C8orf34: variants seen among roughly 807,000 people sequenced by gnomAD.
The protein encoded by C8orf34 is uncharacterized protein C8orf34.
C8orf34 carries 65 observed loss-of-function variants against 68.3 expected under a neutral mutation model. The observed-to-expected ratio is 0.95, with a 90% CI of 0.78 to 1.17. The LOEUF is 1.17. C8orf34 is among the 50% of genes most tolerant of loss of function. The pLI is 0.00. For missense variants in C8orf34, 664 were observed against 655.4 expected, an observed-to-expected ratio of 1.01 and a Z score of -0.14; for synonymous variants, 244 against 241.2, an observed-to-expected ratio of 1.01 and a Z score of -0.11.
At chr8:68,370,617 A>G (rs1807519168) in intron 1 of C8orf34, among the ~76,000 whole-genome samples, 1 of 152,152 alleles carries the variant, frequency 6.6e-6, no homozygotes, top group Non-Finnish European at 1.5e-5. Flanking sequence ...CACTATGCTT[A>G]TCTTTCCAAG....
At chr8:68,750,797 G>A (rs2129527612) in intron 10 of C8orf34, among the ~76,000 whole-genome samples, 1 of 152,194 alleles carries the variant, frequency 6.6e-6, no homozygotes, top group Admixed American at 6.5e-5. Flanking sequence ...TGTCTACCAT[G>A]TCCATGCATT....
intron 4 of C8orf34, among the ~76,000 whole-genome samples, chr8:68,473,712 T>C (rs1812477923): frequency 6.6e-6 from 1 of 152,190 alleles, no homozygotes; most frequent in Non-Finnish European, 1.5e-5. Flanking sequence ...TGTCAGTTAG[T>C]GCTCACTGTC....
chr8:68,496,115 CT>C (rs771992015), intron 5 of C8orf34, among the ~76,000 whole-genome samples: 3 of 152,050 alleles, frequency 2.0e-5, no homozygotes, highest in Non-Finnish European at 2.9e-5. Flanking sequence ...AAAAAGAAGA[CT>C]TTTTCCTCTT....
chr8:68,555,793 G>T (rs560623204), intron 7 of C8orf34, among the ~76,000 whole-genome samples: 5 of 152,016 alleles, frequency 3.3e-5, no homozygotes, highest in Non-Finnish European at 7.4e-5. Context: ...TGTAGGTATA[G>T]TTCATTTACT....
At chr8:68,585,320 T>G (rs889519231) in intron 7 of C8orf34, among the ~76,000 whole-genome samples, 3 of 151,778 alleles carry the variant, frequency 2.0e-5, no homozygotes, top group African/African-American at 7.3e-5. Context: ...AAAAAAAGCT[T>G]TGAAAGGTAG....
At chr8:68,749,762 G>A (rs192842076) in intron 10 of C8orf34, among the ~76,000 whole-genome samples, 4 of 152,240 alleles carry the variant, frequency 2.6e-5, no homozygotes, top group African/African-American at 9.6e-5. Flanking sequence ...CCATGTTGCA[G>A]CCATGTTGCA....
chr8:68,589,229 A>G (rs1817295217), intron 7 of C8orf34, among the ~76,000 whole-genome samples: 1 of 152,298 alleles, frequency 6.6e-6, no homozygotes, highest in African/African-American at 2.4e-5. Flanking sequence ...CTTTCTGTCT[A>G]TCCATCCATC....
chr8:68,462,175 A>T (rs961541262), intron 3 of C8orf34, among the ~76,000 whole-genome samples: 1 of 152,230 alleles, frequency 6.6e-6, no homozygotes, highest in Middle Eastern at 3.4e-3. Context: ...AAACCAACAA[A>T]GATCAAAAGA....
rs1236553762 is a variant in C8orf34 at position 68,746,584 on chromosome 8, T to C, written c.1404+25147T>C. On this transcript the variant is annotated intron_variant, in intron 10 of 13. Transcript: ENST00000518698. ...CCGATCCCACAGAAATACAAACTACTATCAGAGAATACTACAAACACCTCT... is the reference window on the plus strand; with the variant it reads ...CCGATCCCACAGAAATACAAACTACCATCAGAGAATACTACAAACACCTCT... Among the ~76,000 whole-genome samples, 493 of 143,614 alleles carry C rather than the reference T, an allele frequency of 3.4e-3. 1 individual carries two copies. Among genetic ancestry groups the C allele is most frequent in the African/African-American group, 0.012 (464 of 37,944 alleles). 94.2% of individuals were successfully genotyped at this position (143,614 alleles called of 152,430 possible).
intron 5 of C8orf34, among the ~76,000 whole-genome samples, chr8:68,517,573 T>A (rs1814573211): frequency 6.6e-6 from 1 of 152,218 alleles, no homozygotes; most frequent in Non-Finnish European, 1.5e-5. Context: ...ATCCTGAATA[T>A]CACACTGTTT....
chr8:68,636,464 A>G (rs1217221615), intron 7 of C8orf34, among the ~76,000 whole-genome samples: 1 of 152,010 alleles, frequency 6.6e-6, no homozygotes, highest in Non-Finnish European at 1.5e-5. Flanking sequence ...ATGTGCTTGT[A>G]ATCCCAGCTA....
intron 1 of C8orf34, among the ~76,000 whole-genome samples, chr8:68,404,982 A>G (rs950727016): frequency 1.8e-4 from 28 of 152,248 alleles, no homozygotes; most frequent in African/African-American, 5.1e-4. Context: ...CACAATATAG[A>G]TTCTTCCTAT....
At chr8:68,451,104 G>A (rs963822480) in intron 3 of C8orf34, among the ~76,000 whole-genome samples, 1 of 152,014 alleles carries the variant, frequency 6.6e-6, no homozygotes, top group African/African-American at 2.4e-5. Context: ...TATGGAGATG[G>A]CTTATTTCCT....
chr8:68,727,134 G>T (rs2129526696), intron 10 of C8orf34, among the ~76,000 whole-genome samples: 1 of 136,158 alleles, frequency 7.3e-6, no homozygotes, highest in Middle Eastern at 3.5e-3. Context: ...TTACTTCCTA[G>T]ATACAATGGG....
At chr8:68,731,956 G>T (rs1322662820) in intron 10 of C8orf34, among the ~76,000 whole-genome samples, 1 of 152,234 alleles carries the variant, frequency 6.6e-6, no homozygotes, top group Non-Finnish European at 1.5e-5. Context: ...GTAACTGGTT[G>T]AACTTTCATT....
intron 10 of C8orf34, among the ~76,000 whole-genome samples, chr8:68,755,046 A>AT (rs1300616697): frequency 6.6e-6 from 1 of 152,178 alleles, no homozygotes; most frequent in East Asian, 1.9e-4. Context: ...ACTAGGACAC[A>AT]TTTTTTTGGT....
intron 1 of C8orf34, among the ~76,000 whole-genome samples, chr8:68,359,289 G>A (rs1585980045): frequency 6.6e-6 from 1 of 152,078 alleles, no homozygotes; most frequent in Non-Finnish European, 1.5e-5. Flanking sequence ...TTATGCTCCT[G>A]AGCAACCCAT....
chr8:68,619,894 G>C (rs1427516001), intron 7 of C8orf34, among the ~76,000 whole-genome samples: 2 of 152,152 alleles, frequency 1.3e-5, no homozygotes, highest in Non-Finnish European at 2.9e-5. Context: ...AAGGTAAAAA[G>C]ACAAAATTAG....
chr8:68,411,353 A>G (rs553062168), intron 1 of C8orf34, among the ~76,000 whole-genome samples: 1 of 152,200 alleles, frequency 6.6e-6, no homozygotes, highest in Non-Finnish European at 1.5e-5. Context: ...AATATATTTC[A>G]TATGTAAAAC....
Sources: gnomAD v4.1 joint callset for allele counts (sites outside exome capture counted in the v4.1 genomes callset) on GRCh38, gnomAD v4.1.1 for gene constraint, MANE v1.5 for transcripts, NCBI Gene and HGNC (gene_info 2026-07-23, HGNC 2026-07-21) for gene names.